Variants in SLC27A6 observed in about 807,000 individuals in gnomAD.
SLC27A6 encodes the protein long-chain fatty acid transport protein 6.
Under a neutral mutation model 63.9 loss-of-function variants are expected in SLC27A6, and 74 were observed. That is an observed-to-expected ratio of 1.16 (90% CI 0.96 to 1.40). The LOEUF (loss-of-function observed/expected upper bound fraction) is 1.40, where lower values mean the gene tolerates loss of function less well. Ranked by LOEUF, SLC27A6 falls within the 40% of genes most tolerant of loss-of-function variation. SLC27A6 has a pLI of 0.00. For missense variants in SLC27A6, 794 were observed against 732.9 expected (o/e 1.08, Z -0.96); for synonymous variants, 287 against 260.8 (o/e 1.10, Z -0.97).
chr5:128,982,489 T>C (rs954941145), intron 1 of SLC27A6, among the ~76,000 whole-genome samples: 4 of 152,170 alleles, frequency 2.6e-5, no homozygotes, highest in African/African-American at 9.7e-5. Flanking sequence ...TTGGCACTTA[T>C]TTCCCCAATT....
At position 129,027,166 on chromosome 5, in the gene SLC27A6, C is replaced by CA. The variant is rs766927880; in HGVS notation, c.1295dup (p.Asn432LysfsTer11). The CA allele has an allele frequency of 7.4e-6, 12 of 1,613,214 alleles. No homozygotes were observed. Among genetic ancestry groups the CA allele is most frequent in the South Asian group, 3.3e-5 (3 of 91,070 alleles). On this transcript the variant is annotated frameshift_variant, in exon 7 of 10. Transcript: ENST00000262462. LOFTEE classifies it high-confidence loss of function. ...GGACTTCTCATTTCTCGAGTGAATG[C>CA]AAAAAATCCCTTCTTTGGCTATGCT...
chr5:128,987,739 A>G (rs1750837719), intron 2 of SLC27A6, among the ~76,000 whole-genome samples: 1 of 152,152 alleles, frequency 6.6e-6, no homozygotes, highest in South Asian at 2.1e-4. Context: ...GATTCTGTCC[A>G]GGAGGGCTGA....
chr5:128,981,533 A>G (rs1750587563), intron 1 of SLC27A6, among the ~76,000 whole-genome samples: 1 of 151,784 alleles, frequency 6.6e-6, no homozygotes, highest in African/African-American at 2.4e-5. Context: ...GCAGTAGTTT[A>G]CGATCAAAAT....
chr5:128,979,542 G>T (rs1750511924), intron 1 of SLC27A6, among the ~76,000 whole-genome samples: 2 of 152,074 alleles, frequency 1.3e-5, no homozygotes, highest in Non-Finnish European at 2.9e-5. Flanking sequence ...GCTTTGGTCT[G>T]CATTTACTCT....
intron 6 of SLC27A6, 64 bp downstream of exon 6, chr5:129,023,774 C>T: frequency 8.8e-7 from 1 of 1,132,944 alleles, no homozygotes; most frequent in Non-Finnish European, 1.3e-6. Context: ...TACAGACATC[C>T]CTTGGTATCC....
At chr5:128,993,793 G>T (rs1181987) in intron 4 of SLC27A6, among the ~76,000 whole-genome samples, 5 of 151,746 alleles carry the variant, frequency 3.3e-5, no homozygotes, top group African/African-American at 9.7e-5. Flanking sequence ...AAAACAGAAT[G>T]CCTGATTGCT....
intron 4 of SLC27A6, among the ~76,000 whole-genome samples, chr5:129,009,730 AG>A (rs1751664882): frequency 6.6e-6 from 1 of 151,666 alleles, no homozygotes; most frequent in Non-Finnish European, 1.5e-5. Context: ...GCTGGAGTGC[AG>A]TGGCGCGATC....
In SLC27A6 at chr5:128,966,130, T is replaced by C. The variant is rs1561605121; in HGVS notation, c.-8T>C. On this transcript the variant is annotated 5_prime_UTR_variant, in exon 1 of 10. Coordinates refer to ENST00000262462, the MANE Select transcript of SLC27A6 (RefSeq NM_001017372.3). ...AGATCAGAGCTGTCTTCTGGCCCAG[T>C]TGCCCCCATGCTTCTGTCATGGCTA... The C allele has an allele frequency of 2.0e-6, 3 of 1,534,788 alleles. No individual in the cohort carries two copies. Among genetic ancestry groups the C allele is most frequent in the Admixed American group, 2.1e-5 (1 of 46,776 alleles).
At chr5:129,009,779 A>G (rs546822201) in intron 4 of SLC27A6, among the ~76,000 whole-genome samples, 41 of 151,988 alleles carry the variant, frequency 2.7e-4, no homozygotes, top group African/African-American at 8.9e-4. Context: ...GGTTCAAGCA[A>G]TTCTCCTGCC....
chr5:128,989,119 A>G (rs1401407349), intron 3 of SLC27A6, among the ~76,000 whole-genome samples: 1 of 152,184 alleles, frequency 6.6e-6, no homozygotes, highest in African/African-American at 2.4e-5. Context: ...CCTAGTCTTG[A>G]AAGACACATA....
Position 129,029,617 on chromosome 5 carries a change from A to G in SLC27A6, c.1593A>G (p.Lys531=), listed in dbSNP as rs1227633310. Residue 531 remains lysine (K), a synonymous_variant, in exon 9 of 10, where the codon AAA becomes AAG. Transcript: ENST00000262462. ...GRAGMASIIL[K]PNTSLDLEKV... ...CAGGAATGGCTTCTATTATTTTAAAACCAAATACATCTTTAGATTTGGAAA... is the reference window on the plus strand; with the variant it reads ...CAGGAATGGCTTCTATTATTTTAAAGCCAAATACATCTTTAGATTTGGAAA... 6 of 1,597,568 alleles carry G rather than the reference A, an allele frequency of 3.8e-6. No homozygotes were observed. Among genetic ancestry groups the G allele is most frequent in the Non-Finnish European group, 5.1e-6 (6 of 1,172,602 alleles).
chr5:129,021,389 T>A (rs1260657108), intron 5 of SLC27A6, among the ~76,000 whole-genome samples: 1 of 152,090 alleles, frequency 6.6e-6, no homozygotes, highest in Non-Finnish European at 1.5e-5. Flanking sequence ...AGTTCAGAGT[T>A]TCCTCATGTA....
intron 9 of SLC27A6, among the ~76,000 whole-genome samples, 165 bp downstream of exon 9, chr5:129,029,872 G>C (rs775361753): frequency 1.9e-4 from 29 of 151,990 alleles, no homozygotes; most frequent in Non-Finnish European, 2.8e-4. Context: ...TAATTATAAA[G>C]GGGGCATGGT....
At chr5:128,988,811 C>T (rs1750878651) in intron 3 of SLC27A6, 53 bp downstream of exon 3, 2 of 1,397,688 alleles carry the variant, frequency 1.4e-6, no homozygotes, top group African/African-American at 2.9e-5. Flanking sequence ...ATAATTAGAA[C>T]AAGTATTTAT....
At chr5:129,009,916 A>G (rs997690283) in intron 4 of SLC27A6, among the ~76,000 whole-genome samples, 6 of 152,128 alleles carry the variant, frequency 3.9e-5, no homozygotes. Flanking sequence ...ATCTCAGGCA[A>G]TCCACCCGCC....
Position 128,985,495 on chromosome 5 carries a change from G to A in SLC27A6, c.685+159G>A, listed in dbSNP as rs79042567. Among the ~76,000 whole-genome samples, 1,397 of 152,264 alleles carry A rather than the reference G, an allele frequency of 9.2e-3. 15 individuals carry two copies. The highest frequency in any genetic ancestry group is 0.031 in the African/African-American group (1,295 of 41,552). On this transcript the variant is annotated intron_variant, in intron 2 of 9. Coordinates refer to ENST00000262462, the MANE Select transcript of SLC27A6 (RefSeq NM_001017372.3). ...GAGGCTAGAACTTTCCAACTTGGAT[G>A]GAAAGTTAATTATCTTAACTTTTAC...
intron 1 of SLC27A6, among the ~76,000 whole-genome samples, chr5:128,967,769 T>A (rs987404084): frequency 1.3e-5 from 2 of 152,164 alleles, no homozygotes; most frequent in East Asian, 3.9e-4. Flanking sequence ...ATTATTATTT[T>A]TTATTATTAT....
rs1263713189 is a variant in SLC27A6 at position 129,033,247 on chromosome 5, T to C, written c.1825T>C (p.Tyr609His). The change falls in exon 10 of 10, where the codon TAT (tyrosine) becomes CAT (histidine). Residue 609 changes from tyrosine to histidine, a missense_variant. Transcript: ENST00000262462. ...KSYVLLTRELYDQIMLGEIKL is the reference protein window; with the variant it reads ...KSYVLLTRELHDQIMLGEIKL ...TTATGTTCTACTGACCAGGGAACTT[T>C]ATGATCAAATAATGTTAGGGGAAAT... 1 of 1,587,782 alleles carries C rather than the reference T, an allele frequency of 6.3e-7. No homozygotes were observed. The highest frequency in any genetic ancestry group is 8.6e-7 in the Non-Finnish European group (1 of 1,166,104).
intron 1 of SLC27A6, among the ~76,000 whole-genome samples, chr5:128,974,790 C>T (rs1182259636): frequency 6.6e-6 from 1 of 152,170 alleles, no homozygotes; most frequent in African/African-American, 2.4e-5. Flanking sequence ...TCTCACTGAA[C>T]TTAGTTGTAA....
Sources: gnomAD v4.1 joint callset for allele counts (sites outside exome capture counted in the v4.1 genomes callset) on GRCh38, gnomAD v4.1.1 for gene constraint, MANE v1.5 for transcripts, NCBI Gene and HGNC (gene_info 2026-07-23, HGNC 2026-07-21) for gene names.